YTHDF1: variants seen among roughly 807,000 people sequenced by gnomAD.
YTHDF1 encodes YTH N6-methyladenosine RNA binding protein F1.
Under a neutral mutation model 49.1 loss-of-function variants are expected in YTHDF1, and 16 were observed. The observed-to-expected ratio is 0.33, with a 90% CI of 0.22 to 0.49. YTHDF1 has a LOEUF of 0.49. Ranked by LOEUF, YTHDF1 falls within the 20% of genes least tolerant of loss-of-function variation. The pLI, the probability that YTHDF1 is intolerant of heterozygous loss-of-function variation, is 0.99. For missense variants in YTHDF1, 621 were observed against 744.3 expected (o/e 0.83, Z 1.93); for synonymous variants, 313 against 290.1 (o/e 1.08, Z -0.80).
At chr20:63,210,213 C>A (rs181753349) in intron 3 of YTHDF1, among the ~76,000 whole-genome samples, 5 of 152,298 alleles carry the variant, frequency 3.3e-5, no homozygotes, top group African/African-American at 1.2e-4. Flanking sequence ...TGGTCTGTTG[C>A]TGACCAAACT....
At chr20:63,206,090 C>G (rs2066544665) in intron 3 of YTHDF1, among the ~76,000 whole-genome samples, 1 of 152,236 alleles carries the variant, frequency 6.6e-6, no homozygotes, top group South Asian at 2.1e-4. Flanking sequence ...CCGCAGGTGC[C>G]TTCAAGGACG....
At chr20:63,214,467 C>T (rs1238100199) in intron 2 of YTHDF1, among the ~76,000 whole-genome samples, 1 of 152,186 alleles carries the variant, frequency 6.6e-6, no homozygotes, top group Non-Finnish European at 1.5e-5. Flanking sequence ...AGGTTAAGGA[C>T]ACACCCATGA....
intron 2 of YTHDF1, 62 bp downstream of exon 2, chr20:63,215,515 A>T: frequency 6.2e-7 from 1 of 1,610,214 alleles, no homozygotes. Flanking sequence ...AGCTTCCTGG[A>T]CCGTTCCTTC....
Position 63,215,932 on chromosome 20 carries a change from G to T in YTHDF1, c.-40C>A. The T allele has an allele frequency of 7.4e-7, 1 of 1,355,988 alleles. No homozygotes were observed. The allele number at this position is 1,355,988 out of a possible 1,614,324, so 84.0% of individuals were successfully genotyped here. ...TAGACGCGGGGCCGGGGCGCCCGCCGGCTCGGGCCTCCCCTAGAGGCCGGG... is the reference window on the plus strand; with the variant it reads ...TAGACGCGGGGCCGGGGCGCCCGCCTGCTCGGGCCTCCCCTAGAGGCCGGG... On this transcript the variant is annotated 5_prime_UTR_variant, in exon 1 of 5. Coordinates refer to ENST00000370339, the MANE Select transcript of YTHDF1 (RefSeq NM_017798.4).
At chr20:63,200,730 C>G (rs2066513480) in intron 4 of YTHDF1, among the ~76,000 whole-genome samples, 1 of 152,168 alleles carries the variant, frequency 6.6e-6, no homozygotes, top group South Asian at 2.1e-4. Flanking sequence ...CCAACCAGGT[C>G]AGGAGTCCGC....
chr20:63,196,839 A>G, intron 4 of YTHDF1, 105 bp from the exon 5 acceptor site: 1 of 1,363,958 alleles, frequency 7.3e-7, no homozygotes. Flanking sequence ...GCAAATCTGG[A>G]GGCGGGACCC....
Position 63,196,722 on chromosome 20 carries a change from G to A in YTHDF1, c.1666C>T (p.Arg556Ter), listed in dbSNP as rs1256244372. 2.5e-6 allele frequency: 4 copies of A among 1,613,674 alleles called. No individual in the cohort carries two copies. Among genetic ancestry groups the A allele is most frequent in the African/African-American group, 1.3e-5 (1 of 75,024 alleles). ...CTGGTTCGCCCTCATTGTTTGTTTC[G>A]ACTCTGCCGTTCCTGTAAAAAGAAA... ...EEVVRKERQS[R>*]NKQ Residue 556 changes from arginine (R) to a stop codon, truncating the protein, a stop_gained, in exon 5 of 5, where the codon CGA (arginine) becomes TGA (stop). Transcript: ENST00000370339. LOFTEE classifies it high-confidence loss of function.
intron 3 of YTHDF1, among the ~76,000 whole-genome samples, chr20:63,206,189 C>T (rs981988951): frequency 6.6e-6 from 1 of 152,232 alleles, no homozygotes. Flanking sequence ...GCTGCAATCA[C>T]AACACATCTT....
At position 63,215,919 on chromosome 20, in the gene YTHDF1, C is replaced by G. The variant is rs2066600102; in HGVS notation, c.-27G>C. The G allele has an allele frequency of 7.3e-7, 1 of 1,372,120 alleles. No individual in the cohort carries two copies. The highest frequency in any genetic ancestry group is 1.6e-5 in the South Asian group (1 of 61,522). 85.0% of individuals were successfully genotyped at this position (1,372,120 alleles called of 1,614,324 possible). The stretch of plus-strand genomic sequence containing the variant: ...CTTCATGAACAACTAGACGCGGGGC[C>G]GGGGCGCCCGCCGGCTCGGGCCTCC... On this transcript the variant is annotated 5_prime_UTR_variant, in exon 1 of 5. Transcript: ENST00000370339.
intron 3 of YTHDF1, among the ~76,000 whole-genome samples, chr20:63,208,725 G>A (rs2066559748): frequency 6.6e-6 from 1 of 152,192 alleles, no homozygotes. Flanking sequence ...ATTTTTAGAT[G>A]CAGCCACAAG....
chr20:63,202,672 C>G lies in YTHDF1; in HGVS notation c.1268G>C (p.Ser423Thr), dbSNP rs543957413. 3,095 of 1,613,972 alleles carry G rather than the reference C, an allele frequency of 1.9e-3. 79 individuals are homozygous for G. In the South Asian group the frequency reaches 0.032, roughly 17 times the overall value. Reference sequence around the variant, plus strand: ...CTTGCTGCTCATGCAGCGGAAGGCGCTGTCCAGGCGCTTGTTGCCGTGCTC... The same window carrying G: ...CTTGCTGCTCATGCAGCGGAAGGCGGTGTCCAGGCGCTTGTTGCCGTGCTC... ...STEHGNKRLD[S>T]AFRCMSSKGP... The change falls in exon 4 of 5, where the codon AGC (serine) becomes ACC (threonine). Residue 423 changes from serine to threonine, a missense_variant. By Grantham distance (58) the Ser-to-Thr change is moderately conservative. Around this residue, in one of 2 missense-constraint regions of YTHDF1, gnomAD observed 151 missense variants for 248.5 expected, o/e 0.61. Coordinates refer to ENST00000370339, the MANE Select transcript of YTHDF1 (RefSeq NM_017798.4).
Position 63,202,372 on chromosome 20 carries a change from A to G in YTHDF1, c.1568T>C (p.Ile523Thr). The G allele has an allele frequency of 6.2e-7, 1 of 1,614,288 alleles. No homozygotes were observed. Among genetic ancestry groups the G allele is most frequent in the African/African-American group, 1.3e-5 (1 of 75,074 alleles). ...GGAGGTTGTGTGCTTGTAGGAACTG[A>G]TAATTTTCAGCACTTGCTTGGCTTT... ...LEKAKQVLKI[I>T]SSYKHTTSIF... The change falls in exon 4 of 5, where the codon ATC becomes ACC. Residue 523 changes from isoleucine (I) to threonine (T), a missense_variant. By Grantham distance (89) the Ile-to-Thr change is moderately conservative. This residue lies in a region of YTHDF1 where 151 missense variants were observed against 248.5 expected (regional missense o/e 0.61). Transcript: ENST00000370339.
chr20:63,205,751 C>T lies in YTHDF1; in HGVS notation c.133-1944G>A, dbSNP rs546511886. On this transcript the variant is annotated intron_variant, in intron 3 of 4. Coordinates refer to ENST00000370339, the MANE Select transcript of YTHDF1 (RefSeq NM_017798.4). ...CTCGAACTCCCAACCTCAGGTGATCCACCCGCCTCGGCCTCCCAAAGTGCT... is the reference window on the plus strand; with the variant it reads ...CTCGAACTCCCAACCTCAGGTGATCTACCCGCCTCGGCCTCCCAAAGTGCT... Among the ~76,000 whole-genome samples, 11 of 152,266 alleles carry T rather than the reference C, an allele frequency of 7.2e-5. No homozygotes were observed. In the East Asian group the frequency reaches 2.1e-3, roughly 29 times the overall value.
At position 63,196,619 on chromosome 20, in the gene YTHDF1, C is replaced by T. The variant is rs903953111; in HGVS notation, c.*89G>A. The T allele has an allele frequency of 1.1e-4, 172 of 1,516,882 alleles. No homozygotes were observed. The highest frequency in any genetic ancestry group is 1.5e-4 in the Non-Finnish European group (164 of 1,105,556). 94.0% of individuals were successfully genotyped at this position (1,516,882 alleles called of 1,614,324 possible). A position where few individuals can be genotyped will look rare whatever the true frequency, so the allele number is the denominator to read the frequency against. ...AAAGATGCAACACTCAACCCCCGCA[C>T]GGGACGACACACTGGAGCTGACCAA... On this transcript the variant is annotated 3_prime_UTR_variant, in exon 5 of 5. Transcript: ENST00000370339.
chr20:63,210,192 C>T (rs2066567470), intron 3 of YTHDF1, among the ~76,000 whole-genome samples: 1 of 152,126 alleles, frequency 6.6e-6, no homozygotes, highest in African/African-American at 2.4e-5. Context: ...TATGGGACCA[C>T]TATCATATTG....
chr20:63,209,244 C>T (rs1177660196), intron 3 of YTHDF1, among the ~76,000 whole-genome samples: 2 of 152,170 alleles, frequency 1.3e-5, no homozygotes, highest in African/African-American at 2.4e-5. Context: ...TTAGAAACAC[C>T]GTCCACTTAA....
chr20:63,215,813 C>A, intron 1 of YTHDF1, 53 bp downstream of exon 1: 1 of 1,453,808 alleles, frequency 6.9e-7, no homozygotes. Flanking sequence ...GGACCTCAAC[C>A]CAGACCCCGC....
chr20:63,213,299 G>T (rs961550044), intron 3 of YTHDF1, among the ~76,000 whole-genome samples: 1 of 152,258 alleles, frequency 6.6e-6, no homozygotes, highest in South Asian at 2.1e-4. Flanking sequence ...AGACGTGGTA[G>T]TGGGTGCCTG....
chr20:63,202,863 G>T lies in YTHDF1; in HGVS notation c.1077C>A (p.Ala359=). 6.2e-7 allele frequency: 1 copy of T among 1,613,938 alleles called. No individual in the cohort carries two copies. Among genetic ancestry groups the T allele is most frequent in the Non-Finnish European group, 8.5e-7 (1 of 1,180,052 alleles). Residue 359 remains alanine (A), a synonymous_variant, in exon 4 of 5, where the codon GCC becomes GCA. Transcript: ENST00000370339. The stretch of plus-strand genomic sequence containing the variant: ...GGACGGGGTGGGATTCGACGCTGGG[G>T]GCAGAATTAGGCTGGACGTTTCCAG... ...NSPGNVQPNS[A]PSVESHPVLE...
Sources: gnomAD v4.1 joint callset for allele counts (sites outside exome capture counted in the v4.1 genomes callset) on GRCh38, gnomAD v4.1.1 for gene constraint, gnomAD v4.1.1 regional missense constraint, MANE v1.5 for transcripts, NCBI Gene and HGNC (gene_info 2026-07-23, HGNC 2026-07-21) for gene names.